IL9R: variants seen among roughly 807,000 people sequenced by gnomAD.
IL9R encodes interleukin 9 receptor, also known as interleukin-9 receptor.
In IL9R, 54 loss-of-function variants were observed where a neutral mutation model predicts 56.3. The ratio of observed to expected loss-of-function variants is 0.96; its 90% CI spans 0.77 to 1.20. The LOEUF (loss-of-function observed/expected upper bound fraction) is 1.20. Among genes scored for constraint, IL9R ranks in the 50% most tolerant of loss-of-function variants. The pLI is 0.00. For synonymous variants in IL9R, 212 were observed against 250.2 expected (o/e 0.85, Z 1.44); for missense variants, 545 against 629.8 (o/e 0.87, Z 1.44).
rs369670558 is a variant in IL9R at position 156,006,240 on chromosome X, G to C, written c.887+52G>C. 7.1e-5 allele frequency: 48 copies of C among 671,866 alleles called. No individual in the cohort carries two copies. The East Asian group carries it at 1.2e-3, about 17-fold the overall frequency. 41.6% of individuals were successfully genotyped at this position (671,866 alleles called of 1,614,324 possible). A position where few individuals can be genotyped will look rare whatever the true frequency, so the allele number is the denominator to read the frequency against. On this transcript the variant is annotated intron_variant, in intron 7 of 8. Coordinates refer to ENST00000244174, the MANE Select transcript of IL9R (RefSeq NM_002186.3). ...TACATGTGTGAGCGGGCAAGAGTGT[G>C]CATGTTAGTGTATGTGTGCAGATGT...
intron 1 of IL9R, among the ~76,000 whole-genome samples, chrX:155,998,222 C>G (rs751122565): frequency 4.6e-5 from 7 of 152,102 alleles, no homozygotes; most frequent in Non-Finnish European, 1.5e-5. Flanking sequence ...TCTACCAACC[C>G]CGAGGCATTT....
Position 156,005,294 on chromosome X carries a change from A to G in IL9R, c.596A>G (p.Asp199Gly). 4 of 1,611,986 alleles carry G rather than the reference A, an allele frequency of 2.5e-6. No homozygotes were observed. Among genetic ancestry groups the G allele is most frequent in the Non-Finnish European group, 2.5e-6 (3 of 1,179,826 alleles). The change falls in exon 6 of 9, where the codon GAT becomes GGT. Residue 199 changes from aspartate (D) to glycine (G), a missense_variant. Transcript: ENST00000244174. ...EEAWEQAQHRDHIVGVTWLIL... is the reference protein window; with the variant it reads ...EEAWEQAQHRGHIVGVTWLIL... Reference sequence around the variant, plus strand: ...CCCCCACAGCAGGCCCAGCACAGGGATCACATTGTCGGGGTGACCTGGCTT... The same window carrying G: ...CCCCCACAGCAGGCCCAGCACAGGGGTCACATTGTCGGGGTGACCTGGCTT...
chrX:156,002,232 C>G (rs1009767771), intron 1 of IL9R, among the ~76,000 whole-genome samples: 1 of 152,044 alleles, frequency 6.6e-6, no homozygotes, highest in Non-Finnish European at 1.5e-5. Flanking sequence ...TGCCTGTAAT[C>G]CCAGCTACTC....
chrX:156,009,109 TTATG>T (rs1175476459), intron 8 of IL9R, among the ~76,000 whole-genome samples: 7 of 114,196 alleles, frequency 6.1e-5, no homozygotes, highest in African/African-American at 1.0e-4. Context: ...GTGTGTGTGT[TTATG>T]TGTCTGTGTA....
At chrX:156,009,123 ATGTT>A (rs1306479301) in intron 8 of IL9R, among the ~76,000 whole-genome samples, 15 of 44,470 alleles carry the variant, frequency 3.4e-4, no homozygotes, top group East Asian at 6.6e-4. Flanking sequence ...GTGTCTGTGT[ATGTT>A]TGTGTGTGTG....
chrX:156,001,048 C>T (rs1035277683), intron 1 of IL9R, among the ~76,000 whole-genome samples: 8 of 152,106 alleles, frequency 5.3e-5, no homozygotes, highest in African/African-American at 1.9e-4. Context: ...TGGCCATACC[C>T]CCTTGTCGCT....
chrX:156,002,999 C>G lies in IL9R; in HGVS notation c.122C>G (p.Ser41Cys), dbSNP rs749235771. ...TGCACCTGTGTCTGCTTGGGAGTCTCTGTCACAGGGGAAGGACAAGGTGAG... is the reference window on the plus strand; with the variant it reads ...TGCACCTGTGTCTGCTTGGGAGTCTGTGTCACAGGGGAAGGACAAGGTGAG... ...CICTCVCLGV[S>C]VTGEGQGPRS... Residue 41 changes from serine (S) to cysteine (C), a missense_variant, in exon 2 of 9, where the codon TCT becomes TGT. Physicochemically the swap from Ser to Cys is moderately radical, Grantham distance 112. Coordinates refer to ENST00000244174, the MANE Select transcript of IL9R (RefSeq NM_002186.3). The G allele has an allele frequency of 4.7e-5, 76 of 1,613,746 alleles. No individual in the cohort carries two copies. The highest frequency in any genetic ancestry group is 6.7e-5 in the Admixed American group (4 of 59,988).
Position 156,000,143 on chromosome X carries a change from A to ATAT in IL9R, c.28+2356_28+2357insTAT, listed in dbSNP as rs1220909165. The stretch of plus-strand genomic sequence containing the variant: ...AGAGCGAGACTCCGTCTAAAAAAAA[A>ATAT]AAATATATATATATATACACACATA... On this transcript the variant is annotated intron_variant, in intron 1 of 8. Coordinates refer to ENST00000244174, the MANE Select transcript of IL9R (RefSeq NM_002186.3). Among the ~76,000 whole-genome samples, 338 of 129,862 alleles carry ATAT rather than the reference A, an allele frequency of 2.6e-3. 6 individuals carry two copies. The highest frequency in any genetic ancestry group is 9.0e-3 in the African/African-American group (277 of 30,774). 85.2% of individuals were successfully genotyped at this position (129,862 alleles called of 152,430 possible).
At chrX:155,997,833 A>G in intron 1 of IL9R, 46 bp downstream of exon 1, 1 of 1,577,634 alleles carries the variant, frequency 6.3e-7, no homozygotes, top group Non-Finnish European at 8.7e-7. Context: ...TCAGCATGAA[A>G]TTCAGAAGGC....
In IL9R at chrX:155,997,723, C is replaced by G; in HGVS notation, c.-37C>G. 1 of 1,610,786 alleles carries G rather than the reference C, an allele frequency of 6.2e-7. No individual in the cohort carries two copies. Among genetic ancestry groups the G allele is most frequent in the South Asian group, 1.1e-5 (1 of 90,988 alleles). ...TGTGCACCCAGAGATAGTTGGGTGA[C>G]AAATCACCTCCAGGTTGGGGATGCC... is the stretch of plus-strand genomic sequence containing the variant. On this transcript the variant is annotated 5_prime_UTR_variant, in exon 1 of 9. Coordinates refer to ENST00000244174, the MANE Select transcript of IL9R (RefSeq NM_002186.3).
intron 1 of IL9R, among the ~76,000 whole-genome samples, chrX:156,002,436 G>A (rs192713753): frequency 6.6e-6 from 1 of 152,310 alleles, no homozygotes; most frequent in East Asian, 1.9e-4. Context: ...CTGTGAACGG[G>A]GACAGTGCTT....
intron 8 of IL9R, among the ~76,000 whole-genome samples, chrX:156,008,963 ATGTGTGTGTGTCTG>A (rs1569478580): frequency 1.3e-5 from 1 of 78,680 alleles, no homozygotes; most frequent in East Asian, 3.4e-4. Flanking sequence ...GTGTGTGTTT[ATGTGTGTGTGTCTG>A]TGTGTGTTTA....
intron 4 of IL9R, 150 bp downstream of exon 4, chrX:156,004,005 G>A (rs759541219): frequency 1.5e-5 from 13 of 870,344 alleles, no homozygotes; most frequent in Non-Finnish European, 2.1e-5. Flanking sequence ...GGGCAGGCTT[G>A]GCCCTTGGGA....
At chrX:156,008,487 C>T (rs2068144582) in intron 8 of IL9R, among the ~76,000 whole-genome samples, 1 of 152,116 alleles carries the variant, frequency 6.6e-6, no homozygotes, top group Non-Finnish European at 1.5e-5. Flanking sequence ...GCAGAGTCTC[C>T]CTCTTTCCCC....
In IL9R at chrX:156,009,875, A is replaced by T. The variant is rs1176804459; in HGVS notation, c.1032A>T (p.Pro344=). The change falls in exon 9 of 9, where the codon CCA becomes CCT. Residue 344 remains proline, a synonymous_variant. Coordinates refer to ENST00000244174, the MANE Select transcript of IL9R (RefSeq NM_002186.3). ...VLLSQDCAGT[P]QGALEPCVQE... ...TGAGCCAGGACTGTGCTGGCACCCC[A>T]CAGGGAGCCTTGGAGCCCTGCGTCC... 1 of 1,538,350 alleles carries T rather than the reference A, an allele frequency of 6.5e-7. No individual in the cohort carries two copies.
chrX:156,006,350 C>T (rs775029214), intron 7 of IL9R, among the ~76,000 whole-genome samples, 162 bp downstream of exon 7: 3,319 of 149,634 alleles, frequency 0.022, 79 homozygotes, highest in African/African-American at 0.078. Context: ...TCTCCACTGC[C>T]TGGTCCTGGA....
chrX:156,004,169 C>T, intron 4 of IL9R: 2 of 600,294 alleles, frequency 3.3e-6, no homozygotes, highest in Non-Finnish European at 5.9e-6. Flanking sequence ...GAAAAGCTTC[C>T]AGCAGCAGAC....
At chrX:156,003,939 C>G in intron 4 of IL9R, 84 bp downstream of exon 4, 2 of 1,383,144 alleles carry the variant, frequency 1.4e-6, no homozygotes, top group Admixed American at 3.8e-5. Context: ...GGCCTTGCAG[C>G]CTGTGAGTGG....
chrX:156,005,285 A>G lies in IL9R; in HGVS notation c.587A>G (p.Gln196Arg). The part of the protein sequence containing the change: ...KKQEEAWEQA[Q>R]HRDHIVGVTW... ...CTGTCCCCACCCCCACAGCAGGCCC[A>G]GCACAGGGATCACATTGTCGGGGTG... Residue 196 changes from glutamine (Q) to arginine (R), a missense_variant, in exon 6 of 9, where the codon CAG becomes CGG. This residue lies in a region of IL9R where 431 missense variants were observed against 360.0 expected (regional missense o/e 1.20). Transcript: ENST00000244174. 6.2e-7 allele frequency: 1 copy of G among 1,611,998 alleles called. No individual in the cohort carries two copies. The highest frequency in any genetic ancestry group is 8.5e-7 in the Non-Finnish European group (1 of 1,179,816).
Sources: gnomAD v4.1 joint callset for allele counts (sites outside exome capture counted in the v4.1 genomes callset) on GRCh38, gnomAD v4.1.1 for gene constraint, gnomAD v4.1.1 regional missense constraint, MANE v1.5 for transcripts, NCBI Gene and HGNC (gene_info 2026-07-23, HGNC 2026-07-21) for gene names.